The following POR variants were observed in gnomAD, a reference collection of about 807,000 sequenced individuals.
POR encodes the protein cytochrome p450 oxidoreductase.
A neutral mutation model predicts 84.0 loss-of-function variants in POR; 56 were observed. The observed-to-expected ratio is 0.67, with a 90% CI of 0.54 to 0.83. The LOEUF (loss-of-function observed/expected upper bound fraction) is 0.83. POR is among the 40% of genes least tolerant of loss of function. POR has a pLI of 0.00. For missense variants in POR, 938 were observed against 944.3 expected (o/e 0.99, Z 0.09); for synonymous variants, 414 against 400.5 (o/e 1.03, Z -0.40).
chr7:75,972,715 C>CT, intron 3 of POR: 1 of 561,008 alleles, frequency 1.8e-6, no homozygotes, highest in South Asian at 2.0e-5. Context: ...GACCCTCCCT[C>CT]TAACTCACGA....
At chr7:75,929,445 A>G (rs1334827624) in intron 1 of POR, among the ~76,000 whole-genome samples, 1 of 151,978 alleles carries the variant, frequency 6.6e-6, no homozygotes, top group Non-Finnish European at 1.5e-5. Context: ...TTGTATTTTT[A>G]GTTTCACCAT....
At position 75,980,484 on chromosome 7, in the gene POR, T is replaced by C. The variant is rs1554557575; in HGVS notation, c.512T>C (p.Phe171Ser). The change falls in exon 5 of 16, where the codon TTC becomes TCC. Residue 171 changes from phenylalanine (F) to serine (S), a missense_variant. Phe to Ser is a radical substitution (Grantham distance 155). Transcript: ENST00000461988. ...GACGTGGATCTCTCTGGGGTCAAGT[T>C]CGCGGTGAGTCACCCAGAGACTGCT... 6.2e-7 allele frequency: 1 copy of C among 1,612,530 alleles called. No individual in the cohort carries two copies. The highest frequency in any genetic ancestry group is 1.1e-5 in the South Asian group (1 of 91,046).
At chr7:75,979,146 C>G (rs140204748) in intron 3 of POR, among the ~76,000 whole-genome samples, 3 of 152,326 alleles carry the variant, frequency 2.0e-5, no homozygotes, top group East Asian at 1.9e-4. Flanking sequence ...CATTCCCCCA[C>G]GGATAGGGGC....
intron 2 of POR, among the ~76,000 whole-genome samples, chr7:75,962,310 T>C (rs1787974661): frequency 6.6e-6 from 1 of 152,116 alleles, no homozygotes; most frequent in Non-Finnish European, 1.5e-5. Flanking sequence ...TCCCTTTTTT[T>C]TGAGACAGGG....
At chr7:75,966,037 C>T (rs369864475) in intron 2 of POR, among the ~76,000 whole-genome samples, 1 of 152,158 alleles carries the variant, frequency 6.6e-6, no homozygotes, top group African/African-American at 2.4e-5. Flanking sequence ...AGTTGAATTA[C>T]CGCTTCACCC....
chr7:75,956,840 C>T (rs1585107924), intron 2 of POR, among the ~76,000 whole-genome samples: 1 of 152,052 alleles, frequency 6.6e-6, no homozygotes, highest in African/African-American at 2.4e-5. Flanking sequence ...ATTCTCGTGC[C>T]TCAGTCTCCC....
chr7:75,986,007 T>C lies in POR; in HGVS notation c.1754T>C (p.Phe585Ser). The change falls in exon 14 of 16, where the codon TTC (phenylalanine) becomes TCC (serine). Residue 585 changes from phenylalanine to serine, a missense_variant. Phe to Ser is a radical substitution (Grantham distance 155). Transcript: ENST00000461988. ...CTGTACCGGGAGGAGCTGGCGCAGT[T>C]CCACAGGGACGGTGCGCTCACCCAG... 6.4e-7 allele frequency: 1 copy of C among 1,569,514 alleles called. No homozygotes were observed. The highest frequency in any genetic ancestry group is 8.6e-7 in the Non-Finnish European group (1 of 1,158,452).
intron 11 of POR, 40 bp from the exon 12 acceptor site, chr7:75,985,018 T>A: frequency 3.2e-6 from 5 of 1,582,398 alleles, no homozygotes; most frequent in Non-Finnish European, 4.3e-6. Context: ...CCGAGCTCCG[T>A]GGGCCCCAAT....
In POR at chr7:75,981,509, C is replaced by T. The variant is rs782533498; in HGVS notation, c.642-8C>T. 24 of 1,609,646 alleles carry T rather than the reference C, an allele frequency of 1.5e-5. No individual in the cohort carries two copies. The highest frequency in any genetic ancestry group is 9.3e-5 in the African/African-American group (7 of 74,876). The stretch of plus-strand genomic sequence containing the variant: ...TGAGCCGCTCCCCCTCTCCTCTCCT[C>T]GGCCCAGCTTGGAGGAGGACTTCAT... On this transcript the variant is annotated splice_polypyrimidine_tract_variant and splice_region_variant and intron_variant, in intron 6 of 15. Transcript: ENST00000461988.
chr7:75,984,483 G>A (rs1433907938), intron 10 of POR, among the ~76,000 whole-genome samples: 4 of 152,212 alleles, frequency 2.6e-5, no homozygotes, highest in Non-Finnish European at 1.5e-5. Context: ...GGGCGGGGCT[G>A]TGTCAGACCG....
At chr7:75,971,420 G>A (rs1210923460) in intron 2 of POR, among the ~76,000 whole-genome samples, 1 of 152,036 alleles carries the variant, frequency 6.6e-6, no homozygotes, top group African/African-American at 2.4e-5. Context: ...AAAGTCCTGG[G>A]CAAGGGGCAC....
At chr7:75,933,934 T>C (rs1409282957) in intron 1 of POR, among the ~76,000 whole-genome samples, 1 of 151,716 alleles carries the variant, frequency 6.6e-6, no homozygotes. Context: ...TACCCCTAAG[T>C]ACTTCAGTGT....
At chr7:75,935,619 TTGTGTGTGTGTGTGTGTGTGTGTG>T (rs57899780) in intron 1 of POR, among the ~76,000 whole-genome samples, 1 of 131,286 alleles carries the variant, frequency 7.6e-6, no homozygotes, top group African/African-American at 2.7e-5. Flanking sequence ...TGCTCGGGGC[TTGTGTGTGTGTGTGTGTGTGTGTG>T]TGTGTGTGTG....
At position 75,981,438 on chromosome 7, in the gene POR, T is replaced by A. The variant is rs542644886; in HGVS notation, c.642-79T>A. The A allele has an allele frequency of 5.3e-5, 73 of 1,374,076 alleles. No homozygotes were observed. In the East Asian group the frequency reaches 1.6e-3, roughly 30 times the overall value. The allele number at this position is 1,374,076 out of a possible 1,614,324, so 85.1% of individuals were successfully genotyped here. A position where few individuals can be genotyped will look rare whatever the true frequency, so the allele number is the denominator to read the frequency against. On this transcript the variant is annotated intron_variant, in intron 6 of 15. Coordinates refer to ENST00000461988, the MANE Select transcript of POR (RefSeq NM_000941.3). Reference sequence around the variant, plus strand: ...CCTGAGCTTTGGGGATGGGGTGGGGTCGGGGCGTGCCTGGCACCAGGTACC... The same window carrying A: ...CCTGAGCTTTGGGGATGGGGTGGGGACGGGGCGTGCCTGGCACCAGGTACC...
At chr7:75,921,120 A>C (rs1216108313) in intron 1 of POR, 1 of 152,226 alleles carries the variant, frequency 6.6e-6, no homozygotes, top group African/African-American at 2.4e-5. Flanking sequence ...CATCTACCCG[A>C]AACCTCCACA....
At chr7:75,948,585 C>T (rs1787281043) in intron 1 of POR, among the ~76,000 whole-genome samples, 1 of 152,256 alleles carries the variant, frequency 6.6e-6, no homozygotes, top group Admixed American at 6.5e-5. Context: ...GCCTCACAGA[C>T]TGTCCTGATG....
chr7:75,960,247 C>G (rs1787879058), intron 2 of POR, among the ~76,000 whole-genome samples: 1 of 151,978 alleles, frequency 6.6e-6, no homozygotes, highest in Non-Finnish European at 1.5e-5. Context: ...GCCGAGCTCA[C>G]ACCGCTGCAC....
rs782106991 is a variant in POR at position 75,954,189 on chromosome 7, C to T, written c.188+9C>T. The T allele has an allele frequency of 5.0e-6, 8 of 1,599,486 alleles. No individual in the cohort carries two copies. Among genetic ancestry groups the T allele is most frequent in the Middle Eastern group, 3.3e-4 (2 of 6,036 alleles). ...ACCAAAATTCAGACATTGTAAGTGC[C>T]GCCTCTCAGCCTCCTCTCTCTGTCC... On this transcript the variant is annotated intron_variant, in intron 2 of 15. Transcript: ENST00000461988.
chr7:75,951,782 G>C, intron 1 of POR, among the ~76,000 whole-genome samples: 1 of 152,238 alleles, frequency 6.6e-6, no homozygotes, highest in East Asian at 1.9e-4. Flanking sequence ...CAGCCTCCTT[G>C]GTAAGCAGCA....
Sources: gnomAD v4.1 joint callset for allele counts (sites outside exome capture counted in the v4.1 genomes callset) on GRCh38, gnomAD v4.1.1 for gene constraint, MANE v1.5 for transcripts, NCBI Gene and HGNC (gene_info 2026-07-23, HGNC 2026-07-21) for gene names.